Variants in NEGR1 observed in about 807,000 individuals in gnomAD.
NEGR1 encodes neuronal growth regulator 1, also known as IgLON family member 4.
In NEGR1, 10 loss-of-function variants were observed where a neutral mutation model predicts 40.9. The observed-to-expected ratio is 0.24, with a 90% CI of 0.15 to 0.42. The LOEUF is 0.42. NEGR1 is among the 10% of genes least tolerant of loss of function. The pLI, the probability that NEGR1 is intolerant of heterozygous loss-of-function variation, is 1.00. For synonymous variants in NEGR1, 185 were observed against 166.8 expected (o/e 1.11, Z -0.84); for missense variants, 352 against 438.9 (o/e 0.80, Z 1.77).
intron 1 of NEGR1, among the ~76,000 whole-genome samples, chr1:72,078,508 C>T (rs1190866779): frequency 1.3e-5 from 2 of 151,782 alleles, no homozygotes; most frequent in South Asian, 4.2e-4. Flanking sequence ...TATGTGTTTA[C>T]AAATTCCACT....
chr1:72,259,408 A>G (rs1033281656), intron 1 of NEGR1, among the ~76,000 whole-genome samples: 7 of 151,842 alleles, frequency 4.6e-5, no homozygotes, highest in African/African-American at 1.7e-4. Flanking sequence ...CCTTCTATAC[A>G]TTGATATTTA....
chr1:71,574,858 C>G (rs1422049627), intron 6 of NEGR1, among the ~76,000 whole-genome samples: 1 of 152,146 alleles, frequency 6.6e-6, no homozygotes, highest in African/African-American at 2.4e-5. Context: ...TCATTGAACT[C>G]AAAATACATA....
At chr1:72,236,827 T>G (rs565386207) in intron 1 of NEGR1, among the ~76,000 whole-genome samples, 3 of 152,134 alleles carry the variant, frequency 2.0e-5, no homozygotes, top group East Asian at 3.9e-4. Context: ...TAAAATAATC[T>G]ATAGAGATTT....
intron 4 of NEGR1, among the ~76,000 whole-genome samples, chr1:71,646,085 G>A (rs1182783549): frequency 6.6e-6 from 1 of 151,456 alleles, no homozygotes; most frequent in Non-Finnish European, 1.5e-5. Context: ...AAACTGGGAG[G>A]GATTTTTTTG....
At chr1:72,249,621 C>A (rs1205054700) in intron 1 of NEGR1, among the ~76,000 whole-genome samples, 1 of 151,784 alleles carries the variant, frequency 6.6e-6, no homozygotes, top group Admixed American at 6.6e-5. Context: ...TCCATGTGGC[C>A]AAGATTATAG....
intron 3 of NEGR1, among the ~76,000 whole-genome samples, chr1:71,727,077 T>C (rs1415577742): frequency 6.6e-6 from 1 of 152,058 alleles, no homozygotes; most frequent in Non-Finnish European, 1.5e-5. Context: ...TGTTTATTTC[T>C]GCCCCTTATC....
intron 5 of NEGR1, among the ~76,000 whole-genome samples, chr1:71,602,422 T>A (rs1442250831): frequency 7.1e-6 from 1 of 140,276 alleles, no homozygotes; most frequent in Admixed American, 7.2e-5. Context: ...CGGCTAATTT[T>A]TTGTATTTTT....
chr1:72,189,829 G>A (rs1652753395), intron 1 of NEGR1, among the ~76,000 whole-genome samples: 2 of 151,520 alleles, frequency 1.3e-5, no homozygotes, highest in African/African-American at 4.8e-5. Context: ...TTATCTTCAA[G>A]TCATTTGCTG....
intron 1 of NEGR1, among the ~76,000 whole-genome samples, chr1:72,236,430 TA>T (rs955519249): frequency 2.0e-5 from 3 of 150,170 alleles, no homozygotes; most frequent in Non-Finnish European, 4.4e-5. Context: ...TAAAGTATAA[TA>T]AAAAAAAGAA....
intron 1 of NEGR1, among the ~76,000 whole-genome samples, chr1:72,082,490 T>G (rs1243768231): frequency 6.6e-6 from 1 of 152,066 alleles, no homozygotes; most frequent in Non-Finnish European, 1.5e-5. Context: ...TCAACAACAA[T>G]GCCATCTTAG....
intron 2 of NEGR1, among the ~76,000 whole-genome samples, chr1:71,810,214 TTTGTG>T (rs1262770408): frequency 6.6e-6 from 1 of 152,156 alleles, no homozygotes; most frequent in East Asian, 1.9e-4. Context: ...TAAGCTTTCC[TTTGTG>T]TTCTAGGACC....
chr1:71,689,257 C>T (rs987737887), intron 4 of NEGR1, among the ~76,000 whole-genome samples: 6 of 152,280 alleles, frequency 3.9e-5, no homozygotes, highest in Non-Finnish European at 8.8e-5. Context: ...CAAACAGTGG[C>T]TTTATACCTT....
rs1396500231 is a variant in NEGR1 at position 71,397,004 on chromosome 1, G to A, written c.*10442C>T. On this transcript the variant is annotated 3_prime_UTR_variant, in exon 7 of 7. Coordinates refer to ENST00000357731, the MANE Select transcript of NEGR1 (RefSeq NM_173808.3). Reference sequence around the variant, plus strand: ...TTGGAATAGTTTGGAGGGCTCAGAAGAAGACAGGAAAATGTGGGAAAGTTT... The same window carrying A: ...TTGGAATAGTTTGGAGGGCTCAGAAAAAGACAGGAAAATGTGGGAAAGTTT... The A allele has an allele frequency of 6.5e-6, 1 of 153,982 alleles. No individual in the cohort carries two copies. The highest frequency in any genetic ancestry group is 1.9e-4 in the East Asian group (1 of 5,276). The allele number at this position is 153,982 out of a possible 1,614,324, so 9.5% of individuals were successfully genotyped here. A position where few individuals can be genotyped will look rare whatever the true frequency, so the allele number is the denominator to read the frequency against.
intron 4 of NEGR1, among the ~76,000 whole-genome samples, chr1:71,632,343 A>G (rs1301891930): frequency 6.6e-6 from 1 of 151,300 alleles, no homozygotes; most frequent in Admixed American, 6.6e-5. Context: ...CCATCAGCTG[A>G]CAACTTTGGA....
At chr1:71,785,009 T>G (rs1656860034) in intron 2 of NEGR1, among the ~76,000 whole-genome samples, 1 of 152,238 alleles carries the variant, frequency 6.6e-6, no homozygotes, top group African/African-American at 2.4e-5. Flanking sequence ...AGATTTTTAT[T>G]TTTTTGATTT....
chr1:71,953,177 GT>G (rs1646087323), intron 1 of NEGR1, among the ~76,000 whole-genome samples: 1 of 151,888 alleles, frequency 6.6e-6, no homozygotes, highest in African/African-American at 2.4e-5. Context: ...TAAAGCTATT[GT>G]TTCCACAGAT....
At chr1:72,265,118 G>A (rs973769691) in intron 1 of NEGR1, among the ~76,000 whole-genome samples, 2 of 150,784 alleles carry the variant, frequency 1.3e-5, no homozygotes, top group Non-Finnish European at 3.0e-5. Flanking sequence ...TATACCTTAC[G>A]TAGCAGATTT....
chr1:72,088,804 T>C (rs1275549682), intron 1 of NEGR1, among the ~76,000 whole-genome samples: 50 of 48,532 alleles, frequency 1.0e-3, no homozygotes, highest in African/African-American at 3.2e-3. Context: ...CTCTTTTTTT[T>C]TTTTTTTTTT....
chr1:71,676,766 T>C (rs1652654740), intron 4 of NEGR1, among the ~76,000 whole-genome samples: 1 of 152,204 alleles, frequency 6.6e-6, no homozygotes, highest in Admixed American at 6.5e-5. Context: ...AAGCCCCCTT[T>C]ATAGATCATG....
Sources: allele counts gnomAD v4.1 joint callset (sites outside exome capture counted in the v4.1 genomes callset), GRCh38; gene constraint gnomAD v4.1.1; transcripts MANE v1.5; gene names NCBI Gene and HGNC (gene_info 2026-07-23, HGNC 2026-07-21).